The following OSBPL10 variants were observed in gnomAD, a reference collection of about 807,000 sequenced individuals.
The protein encoded by OSBPL10 is oxysterol-binding protein-related protein 10.
OSBPL10 carries 49 observed loss-of-function variants against 81.7 expected under a neutral mutation model. That is an observed-to-expected ratio of 0.60 (90% confidence interval 0.48 to 0.76). The LOEUF (loss-of-function observed/expected upper bound fraction) is 0.76. Among genes scored for constraint, OSBPL10 ranks in the 30% least tolerant of loss-of-function variants. The pLI is 0.00. For missense variants in OSBPL10, 923 were observed against 987.8 expected, an observed-to-expected ratio of 0.93 and a Z score of 0.88; for synonymous variants, 419 against 383.6, an observed-to-expected ratio of 1.09 and a Z score of -1.08.
chr3:31,863,959 GAGA>G (rs924327166), intron 3 of OSBPL10, among the ~76,000 whole-genome samples: 12 of 152,246 alleles, frequency 7.9e-5, no homozygotes, highest in South Asian at 4.1e-4. Context: ...ACAGGTAAAG[GAGA>G]AGAAGAAGGA....
chr3:31,888,713 G>A (rs528254627), intron 1 of OSBPL10, among the ~76,000 whole-genome samples: 3 of 152,264 alleles, frequency 2.0e-5, no homozygotes, highest in African/African-American at 7.2e-5. Flanking sequence ...CTGAGGTCAG[G>A]AGTTCAAGAC....
intron 2 of OSBPL10, among the ~76,000 whole-genome samples, chr3:31,995,470 C>T (rs574401450): frequency 8.5e-5 from 13 of 152,110 alleles, no homozygotes; most frequent in Non-Finnish European, 1.5e-4. Flanking sequence ...TTTGCCCAAC[C>T]CTGCAGGCAG....
At position 32,062,267 on chromosome 3, in the gene OSBPL10, G is replaced by A. The variant is rs1699756717; in HGVS notation, n.185+15129C>T. Among the ~76,000 whole-genome samples, 2 of 93,472 alleles carry A rather than the reference G, an allele frequency of 2.1e-5. 1 individual carries two copies. Among genetic ancestry groups the A allele is most frequent in the Non-Finnish European group, 5.7e-5 (2 of 34,844 alleles). The allele number at this position is 93,472 out of a possible 152,430, so 61.3% of individuals were successfully genotyped here. On this transcript the variant is annotated intron_variant and non_coding_transcript_variant, in intron 1 of 3. Coordinates refer to the OSBPL10 transcript ENST00000479173. ...ATACAGGCATGCACCATTACACCCA[G>A]CTAATTTTTGTATTTTTAGTAGAGA...
chr3:31,752,228 C>T (rs910576874), intron 4 of OSBPL10, among the ~76,000 whole-genome samples: 4 of 152,284 alleles, frequency 2.6e-5, no homozygotes, highest in Admixed American at 6.5e-5. Flanking sequence ...ACTTTAATTA[C>T]GAAGTTTCAA....
chr3:31,940,759 C>G (rs13099369), intron 1 of OSBPL10, among the ~76,000 whole-genome samples: 31,449 of 151,792 alleles, frequency 0.21, 3,786 homozygotes, highest in Non-Finnish European at 0.28. Context: ...TTTTGAGACT[C>G]AGCGTAGATG....
At position 31,702,462 on chromosome 3, in the gene OSBPL10, T is replaced by C. The variant is rs1343459983; in HGVS notation, c.1142A>G (p.Asp381Gly). The C allele has an allele frequency of 2.5e-6, 4 of 1,614,208 alleles. No individual in the cohort carries two copies. The Admixed American group carries it at 5.0e-5, about 20-fold the overall frequency. ...ELVLSEDEKS[D>G]NEDKEETELG... The stretch of plus-strand genomic sequence containing the variant: ...TTCCGTCTCTTCCTTATCTTCATTG[T>C]CACTTTTTTCATCTTCAGACAAAAC... Residue 381 changes from aspartate (D) to glycine (G), a missense_variant, in exon 7 of 12, where the codon GAC becomes GGC. This residue lies in a region of OSBPL10 where 514 missense variants were observed against 508.0 expected (regional missense o/e 1.01). Transcript: ENST00000396556.
rs1223226324 is a variant in OSBPL10 at position 31,965,804 on chromosome 3, A to T, written c.281+15095T>A. On this transcript the variant is annotated intron_variant, in intron 1 of 11. Transcript: ENST00000396556. ...TATAAATAGATAAGATATATTATCTATTTATATAATATATATTATATAAAT... is the reference window on the plus strand; with the variant it reads ...TATAAATAGATAAGATATATTATCTTTTTATATAATATATATTATATAAAT... Among the ~76,000 whole-genome samples, 93 of 64,452 alleles carry T rather than the reference A, an allele frequency of 1.4e-3. 2 individuals are homozygous for T. Among genetic ancestry groups the T allele is most frequent in the East Asian group, 0.01 (13 of 1,240 alleles). 42.3% of individuals were successfully genotyped at this position (64,452 alleles called of 152,430 possible).
At chr3:31,688,353 C>A (rs1210736019) in intron 7 of OSBPL10, among the ~76,000 whole-genome samples, 2 of 151,688 alleles carry the variant, frequency 1.3e-5, no homozygotes, top group East Asian at 3.9e-4. Context: ...CCTGCCCTGT[C>A]TCTATGACAA....
intron 6 of OSBPL10, among the ~76,000 whole-genome samples, chr3:31,726,234 G>A (rs1487594689): frequency 6.6e-6 from 1 of 152,150 alleles, no homozygotes; most frequent in Non-Finnish European, 1.5e-5. Context: ...GTAGGTATGT[G>A]ATCTAGTTCT....
At chr3:31,915,199 G>A (rs1696719701) in intron 1 of OSBPL10, among the ~76,000 whole-genome samples, 2 of 151,464 alleles carry the variant, frequency 1.3e-5, no homozygotes, top group African/African-American at 2.4e-5. Flanking sequence ...TGGTAACAGG[G>A]GGGAAAAAAA....
chr3:31,949,769 T>C lies in OSBPL10; in HGVS notation c.281+31130A>G, dbSNP rs527504944. On this transcript the variant is annotated intron_variant, in intron 1 of 11. Coordinates refer to ENST00000396556, the MANE Select transcript of OSBPL10 (RefSeq NM_017784.5). ...AGATTAAAGCCTTAATTGAGAGAGG[T>C]AACTTCTGAAACTTTCAGCAGAAAA... Among the ~76,000 whole-genome samples, 92 of 139,208 alleles carry C rather than the reference T, an allele frequency of 6.6e-4. No individual in the cohort carries two copies. In the Middle Eastern group the frequency reaches 0.017, roughly 25 times the overall value. 91.3% of individuals were successfully genotyped at this position (139,208 alleles called of 152,430 possible).
chr3:32,069,142 G>C (rs1699807136), intron 1 of OSBPL10, among the ~76,000 whole-genome samples: 1 of 152,116 alleles, frequency 6.6e-6, no homozygotes, highest in African/African-American at 2.4e-5. Context: ...CCAGTGTTTA[G>C]GCTCTTTCTC....
chr3:31,956,786 G>A (rs1432401981), intron 1 of OSBPL10, among the ~76,000 whole-genome samples: 2 of 151,966 alleles, frequency 1.3e-5, no homozygotes, highest in African/African-American at 4.8e-5. Context: ...GTAGGATTTG[G>A]GATACAGCAT....
intron 3 of OSBPL10, among the ~76,000 whole-genome samples, chr3:31,848,211 C>T (rs1348163932): frequency 4.6e-5 from 7 of 151,892 alleles, no homozygotes; most frequent in Non-Finnish European, 8.8e-5. Context: ...CCGGCACAAC[C>T]CCTTGTGGTC....
intron 3 of OSBPL10, among the ~76,000 whole-genome samples, chr3:31,836,344 G>A (rs376630192): frequency 7.2e-5 from 11 of 152,182 alleles, no homozygotes; most frequent in African/African-American, 1.4e-4. Context: ...TTCCAGAGAC[G>A]AAGTCTCTAG....
At chr3:31,929,544 G>A (rs977173409) in intron 1 of OSBPL10, among the ~76,000 whole-genome samples, 4 of 151,756 alleles carry the variant, frequency 2.6e-5, no homozygotes, top group South Asian at 2.1e-4. Flanking sequence ...TCAGGAGATC[G>A]AGACCATCCT....
rs576034389 is a variant in OSBPL10 at position 31,784,999 on chromosome 3, C to G, written c.730-36879G>C. ...TCCCAGGTTCAAGCAATTCTCCTGC[C>G]TCAGCCTCCTGAGTAGCTGGAATTA... On this transcript the variant is annotated intron_variant, in intron 4 of 11. Coordinates refer to ENST00000396556, the MANE Select transcript of OSBPL10 (RefSeq NM_017784.5). 3.3e-5 allele frequency among the ~76,000 whole-genome samples: 5 copies of G among 152,286 alleles called. No individual in the cohort carries two copies. The South Asian group carries it at 6.2e-4, about 19-fold the overall frequency.
intron 8 of OSBPL10, among the ~76,000 whole-genome samples, chr3:31,674,549 G>A (rs1700406346): frequency 6.6e-6 from 1 of 151,984 alleles, no homozygotes; most frequent in Admixed American, 6.6e-5. Context: ...AACAGAGTGA[G>A]ACCCTGTCTC....
intron 5 of OSBPL10, among the ~76,000 whole-genome samples, chr3:31,742,873 T>C (rs903553633): frequency 1.3e-5 from 2 of 151,944 alleles, no homozygotes; most frequent in South Asian, 2.1e-4. Context: ...CTCTTCCCCA[T>C]AGCACGGGGA....
Sources: allele counts gnomAD v4.1 joint callset (sites outside exome capture counted in the v4.1 genomes callset), GRCh38; gene constraint gnomAD v4.1.1; regional missense constraint gnomAD v4.1.1; transcripts MANE v1.5; gene names NCBI Gene and HGNC (gene_info 2026-07-23, HGNC 2026-07-21).